Variants in DSCAM observed in about 807,000 individuals in gnomAD.
The protein encoded by DSCAM is cell adhesion molecule DSCAM.
Under a neutral mutation model 217.7 loss-of-function variants are expected in DSCAM, and 47 were observed. The observed-to-expected ratio is 0.22, with a 90% CI of 0.17 to 0.28. DSCAM has a LOEUF of 0.28. Among genes scored for constraint, DSCAM ranks in the 10% least tolerant of loss-of-function variants. The probability of loss-of-function intolerance (pLI) is 1.00; values close to 1 mark genes in which losing one functional copy is unlikely to be tolerated. For synonymous variants in DSCAM, 1,056 were observed against 1,015.3 expected (o/e 1.04, Z -0.76); for missense variants, 2,080 against 2,618.3 (o/e 0.79, Z 4.49).
chr21:40,441,237 CAAGA>C (rs774931134), intron 3 of DSCAM, among the ~76,000 whole-genome samples: 2 of 152,144 alleles, frequency 1.3e-5, no homozygotes, highest in African/African-American at 2.4e-5. Flanking sequence ...AGACATGACC[CAAGA>C]AGACAGAGCC....
intron 1 of DSCAM, among the ~76,000 whole-genome samples, chr21:40,808,001 A>G (rs921158813): frequency 6.6e-6 from 1 of 152,120 alleles, no homozygotes; most frequent in Non-Finnish European, 1.5e-5. Flanking sequence ...ACATCTCCTC[A>G]TCTGCTGAGT....
chr21:40,841,103 C>T (rs1470560864), intron 1 of DSCAM, among the ~76,000 whole-genome samples: 2 of 152,162 alleles, frequency 1.3e-5, no homozygotes, highest in Non-Finnish European at 2.9e-5. Context: ...CAGACTCCAT[C>T]AAGGAAACAG....
chr21:40,030,346 G>A (rs1356101870), intron 32 of DSCAM, among the ~76,000 whole-genome samples: 2 of 152,252 alleles, frequency 1.3e-5, no homozygotes, highest in Non-Finnish European at 2.9e-5. Context: ...AAATAGTATC[G>A]TTCCCGACTG....
chr21:40,122,678 A>T (rs773156138), intron 20 of DSCAM, among the ~76,000 whole-genome samples: 22 of 152,188 alleles, frequency 1.4e-4, no homozygotes, highest in Non-Finnish European at 2.9e-4. Context: ...TGAAAACCAC[A>T]TAAGAAGCCC....
chr21:40,725,032 A>T (rs547999167), intron 1 of DSCAM, among the ~76,000 whole-genome samples: 58 of 151,248 alleles, frequency 3.8e-4, no homozygotes, highest in Non-Finnish European at 1.5e-4. Flanking sequence ...ACTTTGAAAG[A>T]CTCTTTAAGG....
intron 16 of DSCAM, among the ~76,000 whole-genome samples, chr21:40,149,253 A>T (rs945767394): frequency 6.7e-6 from 1 of 149,822 alleles, no homozygotes; most frequent in African/African-American, 2.5e-5. Flanking sequence ...CTATCACCAC[A>T]ACCATCCATC....
intron 3 of DSCAM, among the ~76,000 whole-genome samples, chr21:40,546,954 C>T (rs372249624): frequency 6.6e-6 from 1 of 152,028 alleles, no homozygotes; most frequent in South Asian, 2.1e-4. Context: ...AAGGCTGATA[C>T]CCCCCAGTTA....
intron 3 of DSCAM, among the ~76,000 whole-genome samples, chr21:40,593,892 G>A (rs2077001936): frequency 6.6e-6 from 1 of 152,114 alleles, no homozygotes; most frequent in Admixed American, 6.5e-5. Flanking sequence ...ATCTACAGAT[G>A]TTTTCCGCTA....
At chr21:40,156,964 G>C (rs1218303749) in intron 16 of DSCAM, among the ~76,000 whole-genome samples, 1 of 152,114 alleles carries the variant, frequency 6.6e-6, no homozygotes, top group Admixed American at 6.5e-5. Context: ...GCTCCCTCTC[G>C]AGAGATCATC....
chr21:40,393,011 G>C (rs2075147973), intron 3 of DSCAM, among the ~76,000 whole-genome samples: 1 of 152,178 alleles, frequency 6.6e-6, no homozygotes, highest in African/African-American at 2.4e-5. Flanking sequence ...TTAGATATCA[G>C]GCAAATTTTG....
intron 3 of DSCAM, among the ~76,000 whole-genome samples, chr21:40,671,785 G>A (rs555498184): frequency 4.6e-4 from 69 of 151,280 alleles, no homozygotes; most frequent in East Asian, 7.7e-4. Flanking sequence ...CATGGAAACC[G>A]TATGGAAATT....
intron 21 of DSCAM, among the ~76,000 whole-genome samples, chr21:40,091,304 C>T (rs554626512): frequency 5.9e-5 from 9 of 152,310 alleles, no homozygotes; most frequent in African/African-American, 2.2e-4. Flanking sequence ...AATCTGAAAT[C>T]CCTAACACAG....
At chr21:40,521,106 C>G (rs548835204) in intron 3 of DSCAM, among the ~76,000 whole-genome samples, 5 of 152,098 alleles carry the variant, frequency 3.3e-5, no homozygotes, top group African/African-American at 4.8e-5. Flanking sequence ...GTTTCTCAAC[C>G]GGGGTCATTT....
intron 11 of DSCAM, among the ~76,000 whole-genome samples, chr21:40,196,683 T>G (rs760832381): frequency 7.9e-5 from 12 of 152,060 alleles, no homozygotes; most frequent in Non-Finnish European, 1.5e-4. Context: ...CTTTCTTCTG[T>G]TTCATCCTCC....
At chr21:40,252,392 A>G (rs1343618553) in intron 11 of DSCAM, among the ~76,000 whole-genome samples, 1 of 152,156 alleles carries the variant, frequency 6.6e-6, no homozygotes, top group Non-Finnish European at 1.5e-5. Flanking sequence ...CTGCCCATAG[A>G]TATAAACAGC....
At chr21:40,156,283 AAGAC>A (rs1056940701) in intron 16 of DSCAM, among the ~76,000 whole-genome samples, 2 of 86,168 alleles carry the variant, frequency 2.3e-5, no homozygotes, top group African/African-American at 7.7e-5. Flanking sequence ...CAGTCAAACT[AAGAC>A]AGAGAGAGAG....
At chr21:40,831,431 C>T (rs1413582923) in intron 1 of DSCAM, among the ~76,000 whole-genome samples, 5 of 152,182 alleles carry the variant, frequency 3.3e-5, no homozygotes, top group Non-Finnish European at 7.3e-5. Context: ...TGGACACTTC[C>T]GGTAAAATGA....
intron 3 of DSCAM, among the ~76,000 whole-genome samples, chr21:40,609,769 A>C (rs1687615303): frequency 6.6e-6 from 1 of 152,344 alleles, no homozygotes; most frequent in Admixed American, 6.5e-5. Flanking sequence ...AACCCTTATT[A>C]GAATTAGGAG....
At chr21:40,296,034 G>A in intron 10 of DSCAM, 21 bp downstream of exon 10, 1 of 1,608,544 alleles carries the variant, frequency 6.2e-7, no homozygotes, top group Non-Finnish European at 8.5e-7. Flanking sequence ...CAGGTAACAA[G>A]TAGATCAAGT....
Sources: gnomAD v4.1 joint callset for allele counts (sites outside exome capture counted in the v4.1 genomes callset) on GRCh38, gnomAD v4.1.1 for gene constraint, MANE v1.5 for transcripts, NCBI Gene and HGNC (gene_info 2026-07-23, HGNC 2026-07-21) for gene names.